The following KIF6 variants were observed in gnomAD, a reference collection of about 807,000 sequenced individuals.
The protein encoded by KIF6 is kinesin-like protein KIF6.
Under a neutral mutation model 112.7 loss-of-function variants are expected in KIF6, and 106 were observed. The ratio of observed to expected loss-of-function variants is 0.94; its 90% confidence interval spans 0.80 to 1.11. The LOEUF (loss-of-function observed/expected upper bound fraction) is 1.11. Among genes scored for constraint, KIF6 ranks in the 50% least tolerant of loss-of-function variants. The probability of loss-of-function intolerance (pLI) is 0.00; values close to 1 mark genes in which losing one functional copy is unlikely to be tolerated. For synonymous variants in KIF6, 339 were observed against 339.9 expected (o/e 1.00, Z 0.03); for missense variants, 929 against 964.0 (o/e 0.96, Z 0.48).
chr6:39,337,133 T>TTCCG (rs1762980713), intron 22 of KIF6, among the ~76,000 whole-genome samples: 1 of 133,356 alleles, frequency 7.5e-6, no homozygotes, highest in African/African-American at 2.9e-5. Flanking sequence ...TCTTTCCTCC[T>TTCCG]TCCTTCCTTC....
intron 22 of KIF6, among the ~76,000 whole-genome samples, chr6:39,337,225 T>TTCTTTCTC (rs1763065712): frequency 9.0e-6 from 1 of 111,194 alleles, no homozygotes; most frequent in Non-Finnish European, 1.6e-5. Context: ...CTTTCTTTCT[T>TTCTTTCTC]TCTTTCTTTC....
intron 13 of KIF6, among the ~76,000 whole-genome samples, chr6:39,496,841 T>A (rs1489689404): frequency 6.6e-6 from 1 of 152,242 alleles, no homozygotes; most frequent in African/African-American, 2.4e-5. Flanking sequence ...TCAAGACCCT[T>A]CACAAAATTA....
chr6:39,350,769 G>A (rs1412512873), intron 19 of KIF6, among the ~76,000 whole-genome samples: 2 of 152,188 alleles, frequency 1.3e-5, no homozygotes, highest in Non-Finnish European at 2.9e-5. Context: ...CAGAGGTGGA[G>A]CCCCTAGAGC....
rs545321728 is a variant in KIF6 at position 39,417,818 on chromosome 6, T to C, written c.1810+2130A>G. On this transcript the variant is annotated intron_variant, in intron 15 of 22. Transcript: ENST00000287152. ...TATTTCATTAATGTTGGAACGGTTTTATTTTGGTTTACAGAGTAAGATATT... is the reference window on the plus strand; with the variant it reads ...TATTTCATTAATGTTGGAACGGTTTCATTTTGGTTTACAGAGTAAGATATT... 1.5e-3 allele frequency among the ~76,000 whole-genome samples: 235 copies of C among 152,348 alleles called. 1 individual carries two copies. Among genetic ancestry groups the C allele is most frequent in the Admixed American group, 1.4e-3 (22 of 15,296 alleles).
intron 3 of KIF6, among the ~76,000 whole-genome samples, chr6:39,709,158 T>C (rs1303875357): frequency 6.6e-6 from 1 of 152,234 alleles, no homozygotes; most frequent in African/African-American, 2.4e-5. Context: ...ATTATTTTAC[T>C]TTATTTCCAA....
Position 39,583,247 on chromosome 6 carries a change from C to T in KIF6, c.1077+1651G>A, listed in dbSNP as rs546276618. 3.3e-5 allele frequency: 9 copies of T among 269,924 alleles called. No individual in the cohort carries two copies. The Admixed American group carries it at 3.5e-4, about 10-fold the overall frequency. 16.7% of individuals were successfully genotyped at this position (269,924 alleles called of 1,614,324 possible). On this transcript the variant is annotated intron_variant, in intron 9 of 22. Transcript: ENST00000287152. ...CTTGGGGCTAATAACTTTGTTAACT[C>T]TCTTTCTCATTCAGCACTGTAATGC...
chr6:39,715,797 A>C (rs1258258922), intron 2 of KIF6, among the ~76,000 whole-genome samples: 1 of 152,174 alleles, frequency 6.6e-6, no homozygotes, highest in Non-Finnish European at 1.5e-5. Context: ...TTTAGCAGGG[A>C]AGATTGTATT....
At chr6:39,661,693 G>C (rs535190138) in intron 3 of KIF6, among the ~76,000 whole-genome samples, 1 of 152,288 alleles carries the variant, frequency 6.6e-6, no homozygotes, top group African/African-American at 2.4e-5. Flanking sequence ...AGAAGGAACA[G>C]AGCCTTGGGA....
At chr6:39,560,810 C>T (rs564731770) in intron 10 of KIF6, among the ~76,000 whole-genome samples, 2 of 152,228 alleles carry the variant, frequency 1.3e-5, no homozygotes, top group South Asian at 4.2e-4. Context: ...AGTACCTTTT[C>T]TGTGTTCTCT....
intron 17 of KIF6, among the ~76,000 whole-genome samples, chr6:39,361,871 G>T (rs1765178946): frequency 6.6e-6 from 1 of 152,170 alleles, no homozygotes; most frequent in African/African-American, 2.4e-5. Context: ...TTGAGGCAGG[G>T]AAGATGACTG....
intron 13 of KIF6, among the ~76,000 whole-genome samples, chr6:39,471,816 C>T (rs1774131045): frequency 6.6e-6 from 1 of 152,302 alleles, no homozygotes; most frequent in Admixed American, 6.5e-5. Context: ...GATGATATAG[C>T]ATGACCTTCT....
chr6:39,362,446 T>C lies in KIF6; in HGVS notation c.1934A>G (p.Glu645Gly), dbSNP rs377571126. Residue 645 changes from glutamate (E) to glycine (G), a missense_variant, in exon 17 of 23, where the codon GAA becomes GGA. By Grantham distance (98) the Glu-to-Gly change is moderately conservative (BLOSUM62 -2). Around this residue, in one of 2 missense-constraint regions of KIF6, gnomAD observed 241 missense variants for 301.4 expected, o/e 0.80. Coordinates refer to ENST00000287152, the MANE Select transcript of KIF6 (RefSeq NM_145027.6). Reference protein sequence around the residue: ...QEEKLRSQLEEEKRRYKTMFT... With the variant: ...QEEKLRSQLEGEKRRYKTMFT... ...AAAGGAAGGGCACCTTCTCTTTTCTTCCTCCAGTTGTGATCGCAGCTTCTC... is the reference window on the plus strand; with the variant it reads ...AAAGGAAGGGCACCTTCTCTTTTCTCCCTCCAGTTGTGATCGCAGCTTCTC... The C allele has an allele frequency of 3.1e-6, 5 of 1,613,844 alleles. No individual in the cohort carries two copies. Among genetic ancestry groups the C allele is most frequent in the Non-Finnish European group, 4.2e-6 (5 of 1,179,760 alleles).
intron 3 of KIF6, among the ~76,000 whole-genome samples, chr6:39,652,482 G>A (rs955423129): frequency 6.6e-5 from 10 of 150,978 alleles, no homozygotes; most frequent in Non-Finnish European, 1.3e-4. Context: ...AGCTGAGATC[G>A]CACCATTGTA....
At chr6:39,415,301 T>TAA (rs5875672) in intron 15 of KIF6, among the ~76,000 whole-genome samples, 52 of 89,442 alleles carry the variant, frequency 5.8e-4, no homozygotes, top group East Asian at 7.3e-4. Context: ...TTTTAAAATG[T>TAA]AAAAAAAAAA....
At chr6:39,525,109 T>C (rs967962526) in intron 13 of KIF6, among the ~76,000 whole-genome samples, 5 of 152,162 alleles carry the variant, frequency 3.3e-5, no homozygotes, top group African/African-American at 9.7e-5. Context: ...TGGTTAGGGT[T>C]CTTTACCAGG....
chr6:39,471,665 C>G (rs1214472930), intron 13 of KIF6, among the ~76,000 whole-genome samples: 1 of 152,150 alleles, frequency 6.6e-6, no homozygotes, highest in Non-Finnish European at 1.5e-5. Context: ...CATCTGAGGA[C>G]TGGCTCAAGG....
At chr6:39,537,267 A>G (rs1277996231) in intron 13 of KIF6, among the ~76,000 whole-genome samples, 1 of 152,210 alleles carries the variant, frequency 6.6e-6, no homozygotes, top group Admixed American at 6.5e-5. Context: ...GAAAAGAGGA[A>G]GTCAAATTGT....
chr6:39,408,699 T>C (rs1769265167), intron 15 of KIF6, among the ~76,000 whole-genome samples: 1 of 152,074 alleles, frequency 6.6e-6, no homozygotes, highest in Non-Finnish European at 1.5e-5. Context: ...ATCAAATTGT[T>C]GAAAGTGGCT....
At chr6:39,677,708 G>T (rs1316384804) in intron 3 of KIF6, among the ~76,000 whole-genome samples, 16 of 106,946 alleles carry the variant, frequency 1.5e-4, no homozygotes, top group African/African-American at 5.2e-4. Flanking sequence ...ACAGTCCCCA[G>T]AGTGTGATAT....
Sources: gnomAD v4.1 joint callset for allele counts (sites outside exome capture counted in the v4.1 genomes callset) on GRCh38, gnomAD v4.1.1 for gene constraint, gnomAD v4.1.1 regional missense constraint, MANE v1.5 for transcripts, NCBI Gene and HGNC (gene_info 2026-07-23, HGNC 2026-07-21) for gene names.